Variants in SERPINB8 observed in about 807,000 individuals in gnomAD.
SERPINB8 encodes serpin family B member 8, also known as serpin B8.
Under a neutral mutation model 35.3 loss-of-function variants are expected in SERPINB8, and 25 were observed. That is an observed-to-expected ratio of 0.71 (90% CI 0.52 to 0.99). The LOEUF (loss-of-function observed/expected upper bound fraction) is 0.99, where lower values mean the gene tolerates loss of function less well. Among genes scored for constraint, SERPINB8 ranks in the 50% least tolerant of loss-of-function variants. The pLI, the probability that SERPINB8 is intolerant of heterozygous loss-of-function variation, is 0.00. For missense variants in SERPINB8, 484 were observed against 446.5 expected (o/e 1.08, Z -0.76); for synonymous variants, 186 against 160.8 (o/e 1.16, Z -1.19).
chr18:63,971,663 CT>C (rs1214376814), intron 1 of SERPINB8, among the ~76,000 whole-genome samples: 6 of 152,340 alleles, frequency 3.9e-5, no homozygotes, highest in Non-Finnish European at 8.8e-5. Context: ...TGGTGGTGGC[CT>C]ACGCGCCAGC....
intron 5 of SERPINB8, among the ~76,000 whole-genome samples, chr18:63,984,349 TTTAG>T (rs1169519274): frequency 2.6e-5 from 4 of 152,254 alleles, no homozygotes; most frequent in African/African-American, 9.6e-5. Context: ...ACTCTCTGTA[TTTAG>T]TTAGATACCT....
At chr18:63,972,366 T>A (rs920778952) in intron 1 of SERPINB8, among the ~76,000 whole-genome samples, 8 of 152,248 alleles carry the variant, frequency 5.3e-5, no homozygotes, top group African/African-American at 1.7e-4. Context: ...GTGGGAATTG[T>A]CCATGTCAAA....
chr18:64,002,795 C>T (rs1047259717), intron 1 of SERPINB8, among the ~76,000 whole-genome samples: 3 of 152,156 alleles, frequency 2.0e-5, no homozygotes, highest in Admixed American at 2.0e-4. Flanking sequence ...TCACCCCGAC[C>T]GCGGGTCCGC....
chr18:63,973,944 T>G (rs1444637898), intron 1 of SERPINB8, among the ~76,000 whole-genome samples: 1 of 152,214 alleles, frequency 6.6e-6, no homozygotes, highest in African/African-American at 2.4e-5. Context: ...TTGTTCTTTT[T>G]GCTTAGGATT....
At chr18:63,995,454 GA>G (rs1489979924) in intron 1 of SERPINB8, among the ~76,000 whole-genome samples, 1 of 152,238 alleles carries the variant, frequency 6.6e-6, no homozygotes, top group African/African-American at 2.4e-5. Context: ...TTTAGGGTCT[GA>G]GACCACCACC....
downstream of SERPINB8, among the ~76,000 whole-genome samples, chr18:63,989,552 C>T (rs564521131): frequency 7.2e-5 from 11 of 152,258 alleles, no homozygotes; most frequent in South Asian, 1.9e-3. Context: ...GTTTTTCTCT[C>T]TTCTCACCAA....
chr18:63,972,817 A>G (rs1012070509), intron 1 of SERPINB8, among the ~76,000 whole-genome samples: 9 of 151,990 alleles, frequency 5.9e-5, no homozygotes, highest in Admixed American at 5.9e-4. Context: ...AAGGACATGA[A>G]CTCATCGTTT....
exon 8 of SERPINB8, chr18:64,019,654 C>G (rs1160129184): frequency 6.6e-6 from 1 of 151,944 alleles, no homozygotes; most frequent in Non-Finnish European, 1.5e-5. Flanking sequence ...CACTGATCTA[C>G]CCAGTAAGTG....
downstream of SERPINB8, among the ~76,000 whole-genome samples, chr18:64,006,550 A>G (rs2050900906): frequency 6.6e-6 from 1 of 152,158 alleles, no homozygotes; most frequent in Non-Finnish European, 1.5e-5. Flanking sequence ...CTGGCACCCT[A>G]ATTGCAAACT....
chr18:63,995,431 T>C (rs781216157), intron 1 of SERPINB8, among the ~76,000 whole-genome samples: 3 of 152,212 alleles, frequency 2.0e-5, no homozygotes, highest in Non-Finnish European at 4.4e-5. Context: ...GGGAAACAGA[T>C]AATGTTCTCT....
At chr18:63,994,480 C>T (rs1196901704) in intron 1 of SERPINB8, among the ~76,000 whole-genome samples, 2 of 152,144 alleles carry the variant, frequency 1.3e-5, no homozygotes, top group Non-Finnish European at 2.9e-5. Flanking sequence ...TCTGAGGGTA[C>T]CGCAGAACAC....
intron 5 of SERPINB8, among the ~76,000 whole-genome samples, 185 bp downstream of exon 5, chr18:63,983,906 GT>G (rs2050711253): frequency 6.6e-6 from 1 of 152,122 alleles, no homozygotes; most frequent in South Asian, 2.1e-4. Context: ...GAGTGCAGTG[GT>G]GTAATCTCAG....
intron 6 of SERPINB8, 191 bp from the exon 7 acceptor site, chr18:63,986,683 C>G: frequency 7.2e-7 from 1 of 1,398,000 alleles, no homozygotes; most frequent in African/African-American, 1.4e-5. Context: ...ACACTTGTCT[C>G]CATAAAACTG....
At chr18:63,978,535 G>A in intron 2 of SERPINB8, 59 bp downstream of exon 2, 1 of 1,584,016 alleles carries the variant, frequency 6.3e-7, no homozygotes, top group Non-Finnish European at 8.6e-7. Flanking sequence ...CTTCCATACA[G>A]CTGTCTTTCT....
chr18:64,002,484 C>G (rs1216704053), intron 1 of SERPINB8, among the ~76,000 whole-genome samples: 1 of 152,192 alleles, frequency 6.6e-6, no homozygotes, highest in Non-Finnish European at 1.5e-5. Context: ...CTCTATGTAA[C>G]AGCCCAAAGC....
chr18:64,003,160 ATTC>A (rs1335126295), intron 1 of SERPINB8, among the ~76,000 whole-genome samples: 2 of 152,022 alleles, frequency 1.3e-5, no homozygotes, highest in African/African-American at 4.8e-5. Context: ...GTCCCTCCTA[ATTC>A]TTTTATTCAG....
chr18:63,986,795 G>A (rs2050761586), intron 6 of SERPINB8, 79 bp from the exon 7 acceptor site: 2 of 1,419,050 alleles, frequency 1.4e-6, no homozygotes, highest in Non-Finnish European at 1.9e-6. Flanking sequence ...CATGTCATTG[G>A]GGGAGGGGTA....
downstream of SERPINB8, among the ~76,000 whole-genome samples, chr18:64,005,824 G>A (rs2050897462): frequency 1.3e-5 from 2 of 152,102 alleles, no homozygotes; most frequent in Non-Finnish European, 2.9e-5. Flanking sequence ...GAACTGGGGT[G>A]GGGAGAGGTA....
chr18:64,015,160 A>G (rs1397667508), intron 7 of SERPINB8, among the ~76,000 whole-genome samples: 1 of 152,128 alleles, frequency 6.6e-6, no homozygotes, highest in Non-Finnish European at 1.5e-5. Flanking sequence ...GACAGACCTA[A>G]CTTCAGAGAG....
Sources: gnomAD v4.1 joint callset for allele counts (sites outside exome capture counted in the v4.1 genomes callset) on GRCh38, gnomAD v4.1.1 for gene constraint, MANE v1.5 for transcripts, NCBI Gene and HGNC (gene_info 2026-07-23, HGNC 2026-07-21) for gene names.